Variants in SNPH observed in about 807,000 individuals in gnomAD.
SNPH encodes the protein syntaphilin.
In SNPH, 10 loss-of-function variants were observed where a neutral mutation model predicts 36.8. The ratio of observed to expected loss-of-function variants is 0.27; its 90% confidence interval spans 0.17 to 0.46. The LOEUF (loss-of-function observed/expected upper bound fraction) is 0.46. Among genes scored for constraint, SNPH ranks in the 20% least tolerant of loss-of-function variants. The pLI is 1.00. For synonymous variants in SNPH, 281 were observed against 312.2 expected (o/e 0.90, Z 1.05); for missense variants, 622 against 744.0 (o/e 0.84, Z 1.91).
chr20:1,280,380 T>C (rs745375729), intron 2 of SNPH, among the ~76,000 whole-genome samples: 46 of 152,344 alleles, frequency 3.0e-4, no homozygotes, highest in Non-Finnish European at 5.6e-4. Flanking sequence ...AGGCCTGGAT[T>C]GAACTTGGAA....
chr20:1,273,357 T>A (rs972419139), intron 2 of SNPH, among the ~76,000 whole-genome samples: 3 of 152,212 alleles, frequency 2.0e-5, no homozygotes, highest in African/African-American at 7.2e-5. Flanking sequence ...TTTTTGTGGC[T>A]CCAGTTAATC....
rs1261534192 is a variant in SNPH at position 1,294,037 on chromosome 20, A to G, written c.-492-914A>G. 6.6e-6 allele frequency among the ~76,000 whole-genome samples: 1 copy of G among 152,174 alleles called. No homozygotes were observed. Among genetic ancestry groups the G allele is most frequent in the Non-Finnish European group, 1.5e-5 (1 of 68,016 alleles). On this transcript the variant is annotated intron_variant, in intron 2 of 6. Coordinates refer to ENST00000381867, the MANE Select transcript of SNPH (RefSeq NM_001318234.2). The surrounding 1 kb of genome is among the most constrained non-coding windows in gnomAD (Gnocchi z 4.4). ...AGATCTGAGTCCTGCCTCTGCTGGA[A>G]AGTCCTCCTGAAGGCTCAGCCTCCT...
intron 6 of SNPH, among the ~76,000 whole-genome samples, chr20:1,303,294 G>A (rs2088525793): frequency 6.6e-6 from 1 of 152,206 alleles, no homozygotes; most frequent in African/African-American, 2.4e-5. Context: ...CCTTCAAGAC[G>A]CACTTCAGAT....
intron 2 of SNPH, among the ~76,000 whole-genome samples, chr20:1,290,848 C>T (rs1025198412): frequency 6.6e-6 from 1 of 152,246 alleles, no homozygotes; most frequent in South Asian, 2.1e-4. Flanking sequence ...ACATCCTTGA[C>T]AACGCTTGTT....
At chr20:1,298,129 T>C (rs1198523823) in intron 5 of SNPH, among the ~76,000 whole-genome samples, 1 of 152,166 alleles carries the variant, frequency 6.6e-6, no homozygotes. Flanking sequence ...TTGGGGCGTG[T>C]AGGGAACGAG....
At position 1,305,360 on chromosome 20, in the gene SNPH, T is replaced by A; in HGVS notation, c.923T>A (p.Leu308Gln). 6.2e-7 allele frequency: 1 copy of A among 1,612,370 alleles called. No individual in the cohort carries two copies. Among genetic ancestry groups the A allele is most frequent in the Non-Finnish European group, 8.5e-7 (1 of 1,179,848 alleles). ...RTDALEASSLLSSGVDCGTEE... is the reference protein window; with the variant it reads ...RTDALEASSLQSSGVDCGTEE... Reference sequence around the variant, plus strand: ...GACGCGCTGGAAGCCAGCAGCCTGCTGTCGTCGGGGGTGGACTGTGGCACC... The same window carrying A: ...GACGCGCTGGAAGCCAGCAGCCTGCAGTCGTCGGGGGTGGACTGTGGCACC... The change falls in exon 7 of 7, where the codon CTG becomes CAG. Residue 308 changes from leucine to glutamine, a missense_variant. This residue lies in a region of SNPH where 379 missense variants were observed against 427.9 expected (regional missense o/e 0.89). Coordinates refer to ENST00000381867, the MANE Select transcript of SNPH (RefSeq NM_001318234.2).
chr20:1,297,133 T>C lies in SNPH; in HGVS notation c.183-12T>C, dbSNP rs781071447. On this transcript the variant is annotated splice_polypyrimidine_tract_variant and intron_variant, in intron 4 of 6. Transcript: ENST00000381867. ...GCCAGAACGAGCACCTGCCTCTTCTTCCTGCCTCCAGGCGCACCTCTCCAC... is the reference window on the plus strand; with the variant it reads ...GCCAGAACGAGCACCTGCCTCTTCTCCCTGCCTCCAGGCGCACCTCTCCAC... 1.9e-5 allele frequency: 31 copies of C among 1,608,076 alleles called. No individual in the cohort carries two copies. Among genetic ancestry groups the C allele is most frequent in the Admixed American group, 3.4e-5 (2 of 59,664 alleles).
intron 5 of SNPH, among the ~76,000 whole-genome samples, chr20:1,298,214 A>C (rs746410788): frequency 2.7e-5 from 4 of 149,702 alleles, no homozygotes; most frequent in Non-Finnish European, 6.0e-5. Flanking sequence ...AATAACTCGG[A>C]AGCTTCGGTG....
intron 6 of SNPH, among the ~76,000 whole-genome samples, chr20:1,303,505 C>T (rs2088528971): frequency 6.6e-6 from 1 of 152,240 alleles, no homozygotes; most frequent in Non-Finnish European, 1.5e-5. Context: ...GGCCCCCCAC[C>T]TGGAGGCAGG....
In SNPH at chr20:1,277,918, C is replaced by T. The variant is rs567308744; in HGVS notation, c.-493+11158C>T. 8.5e-3 allele frequency among the ~76,000 whole-genome samples: 642 copies of T among 75,840 alleles called. 7 individuals are homozygous for T. Among genetic ancestry groups the T allele is most frequent in the African/African-American group, 0.033 (598 of 18,292 alleles). 49.8% of individuals were successfully genotyped at this position (75,840 alleles called of 152,430 possible). On this transcript the variant is annotated intron_variant, in intron 2 of 6. Coordinates refer to ENST00000381867, the MANE Select transcript of SNPH (RefSeq NM_001318234.2). ...GTGTATGTATCTGTGTGTGTGTGTGCCTGTGTGTGTCTGCGTGTGTGCCTG... is the reference window on the plus strand; with the variant it reads ...GTGTATGTATCTGTGTGTGTGTGTGTCTGTGTGTGTCTGCGTGTGTGCCTG...
intron 2 of SNPH, among the ~76,000 whole-genome samples, chr20:1,270,148 G>A (rs1312510488): frequency 6.6e-6 from 1 of 152,228 alleles, no homozygotes; most frequent in Non-Finnish European, 1.5e-5. Flanking sequence ...TCCAGTATTG[G>A]AGGTGGAGGG....
intron 4 of SNPH, among the ~76,000 whole-genome samples, chr20:1,296,654 G>A (rs1395188318): frequency 6.6e-6 from 1 of 152,242 alleles, no homozygotes; most frequent in Non-Finnish European, 1.5e-5. Context: ...CCTACCAGCA[G>A]TAGCCTCATC....
At chr20:1,290,934 A>T (rs1193717641) in intron 2 of SNPH, among the ~76,000 whole-genome samples, 3 of 152,246 alleles carry the variant, frequency 2.0e-5, no homozygotes, top group Admixed American at 1.3e-4. Context: ...AGTATTCCAT[A>T]GATTTTTAAC....
Position 1,277,987 on chromosome 20 carries a change from C to T in SNPH, c.-493+11227C>T, listed in dbSNP as rs529638013. Among the ~76,000 whole-genome samples the T allele has an allele frequency of 1.0e-4, 13 of 125,302 alleles. No homozygotes were observed. The East Asian group carries it at 3.0e-3, about 29-fold the overall frequency. The allele number at this position is 125,302 out of a possible 152,430, so 82.2% of individuals were successfully genotyped here. The stretch of plus-strand genomic sequence containing the variant: ...TGTCTGTGTGTATCTGTGTGTGTGG[C>T]GTGTCTGTGTGTCTGTGTGTGTGTC... On this transcript the variant is annotated intron_variant, in intron 2 of 6. Transcript: ENST00000381867.
rs1403556245 is a variant in SNPH, at chr20:1,285,589, A to G, written c.-492-9362A>G. 2.6e-5 allele frequency among the ~76,000 whole-genome samples: 4 copies of G among 152,222 alleles called. No individual in the cohort carries two copies. The highest frequency in any genetic ancestry group is 2.6e-4 in the Admixed American group (4 of 15,280). On this transcript the variant is annotated intron_variant, in intron 2 of 6. Coordinates refer to ENST00000381867, the MANE Select transcript of SNPH (RefSeq NM_001318234.2). This position sits in a 1 kb window ranked among gnomAD's most constrained non-coding sequence, Gnocchi z 4.9. ...GTGATTATACTCATGCACAACTGTAATTAGCCCCATTTGAGAGATAAGGAG... is the reference window on the plus strand; with the variant it reads ...GTGATTATACTCATGCACAACTGTAGTTAGCCCCATTTGAGAGATAAGGAG...
At position 1,300,563 on chromosome 20, in the gene SNPH, C is replaced by T. The variant is rs139099290; in HGVS notation, c.292C>T (p.Arg98Cys). Residue 98 changes from arginine to cysteine, a missense_variant and splice_region_variant, in exon 6 of 7, where the codon CGC becomes TGC. Arg to Cys is a radical substitution (Grantham distance 180). Around this residue, in one of 3 missense-constraint regions of SNPH, gnomAD observed 187 missense variants for 209.4 expected, o/e 0.89. Coordinates refer to ENST00000381867, the MANE Select transcript of SNPH (RefSeq NM_001318234.2). ...KGSDSSPTPR[R>C]SMKYTLCSDN... ...CTGATGATGGGCGTCCCCTTGCAGG[C>T]GCTCCATGAAATACACGCTGTGCAG... 1.2e-5 allele frequency: 20 copies of T among 1,613,796 alleles called. No individual in the cohort carries two copies. Among genetic ancestry groups the T allele is most frequent in the African/African-American group, 4.0e-5 (3 of 74,918 alleles).
intron 2 of SNPH, among the ~76,000 whole-genome samples, chr20:1,284,826 CG>C (rs1474911583): frequency 6.6e-6 from 1 of 151,984 alleles, no homozygotes; most frequent in African/African-American, 2.4e-5. Context: ...TTACATCAGC[CG>C]AAGAAAAGGC....
chr20:1,274,872 C>T (rs2088112635), intron 2 of SNPH, among the ~76,000 whole-genome samples: 1 of 152,204 alleles, frequency 6.6e-6, no homozygotes, highest in African/African-American at 2.4e-5. Flanking sequence ...CAGTTTGGCA[C>T]CACCTCCCCC....
At chr20:1,267,935 G>A (rs1334915988) in intron 2 of SNPH, among the ~76,000 whole-genome samples, 6 of 152,232 alleles carry the variant, frequency 3.9e-5, no homozygotes, top group African/African-American at 1.2e-4. Flanking sequence ...TAAATGAGAT[G>A]TATGTGGAAG....
Sources: allele counts gnomAD v4.1 joint callset (sites outside exome capture counted in the v4.1 genomes callset), GRCh38; gene constraint gnomAD v4.1.1; regional missense constraint gnomAD v4.1.1; non-coding constraint Gnocchi (gnomAD v3.1); transcripts MANE v1.5; gene names NCBI Gene and HGNC (gene_info 2026-07-23, HGNC 2026-07-21).